SAMD5: variants seen among roughly 807,000 people sequenced by gnomAD.
SAMD5 encodes sterile alpha motif domain containing 5.
Under a neutral mutation model 11.3 loss-of-function variants are expected in SAMD5, and 13 were observed. That is an observed-to-expected ratio of 1.15 (90% CI 0.75 to 1.83). SAMD5 has a LOEUF of 1.83. Among genes scored for constraint, SAMD5 ranks in the 40% most tolerant of loss-of-function variants. The pLI is 0.00. For missense variants in SAMD5, 255 were observed against 239.1 expected, an observed-to-expected ratio of 1.07 and a Z score of -0.44; for synonymous variants, 129 against 111.3, an observed-to-expected ratio of 1.16 and a Z score of -1.00.
chr6:147,852,212 TATAATGTTTCC>T, the SAMD5 span, among the ~76,000 whole-genome samples: 27 of 152,256 alleles, frequency 1.8e-4, no homozygotes, highest in Non-Finnish European at 1.5e-4. Context: ...ATCTGGCATA[TATAATGTTTCC>T]ATAAATACAG....
chr6:147,767,982 G>C, the SAMD5 span, among the ~76,000 whole-genome samples: 1 of 152,172 alleles, frequency 6.6e-6, no homozygotes, highest in East Asian at 1.9e-4. Flanking sequence ...GGGCATAGTG[G>C]ACAAGAACAG....
intron 1 of SAMD5, among the ~76,000 whole-genome samples, chr6:147,589,338 A>T (rs1789421179): frequency 6.6e-6 from 1 of 152,158 alleles, no homozygotes; most frequent in Non-Finnish European, 1.5e-5. Context: ...ATCTATAGGG[A>T]CTTTTAAAAC....
the SAMD5 span, among the ~76,000 whole-genome samples, chr6:147,905,543 AAAAC>A: frequency 6.6e-6 from 1 of 152,208 alleles, no homozygotes; most frequent in Non-Finnish European, 1.5e-5. Context: ...CAAAAACAAA[AAAAC>A]AAAATCACCT....
chr6:147,889,325 T>C, the SAMD5 span, among the ~76,000 whole-genome samples: 1 of 152,206 alleles, frequency 6.6e-6, no homozygotes, highest in Non-Finnish European at 1.5e-5. Context: ...AAGTTTTATT[T>C]GGGTCTTTTT....
the SAMD5 span, among the ~76,000 whole-genome samples, chr6:147,790,993 A>G: frequency 6.6e-6 from 1 of 152,072 alleles, no homozygotes; most frequent in Non-Finnish European, 1.5e-5. Flanking sequence ...CTTTCTGCAC[A>G]TCTGCATCTA....
chr6:147,937,592 G>C, the SAMD5 span, among the ~76,000 whole-genome samples: 1 of 152,256 alleles, frequency 6.6e-6, no homozygotes, highest in African/African-American at 2.4e-5. Context: ...GCAATAATGA[G>C]GCAGGACTCG....
chr6:147,681,452 A>G (rs1790939298), intron 1 of SAMD5, among the ~76,000 whole-genome samples: 1 of 152,016 alleles, frequency 6.6e-6, no homozygotes, highest in African/African-American at 2.4e-5. Context: ...TCTTGTTTAT[A>G]TCAAATATAG....
chr6:147,636,860 T>C (rs1790237562), intron 1 of SAMD5, among the ~76,000 whole-genome samples: 1 of 152,174 alleles, frequency 6.6e-6, no homozygotes, highest in Admixed American at 6.5e-5. Flanking sequence ...TGTATTATGG[T>C]CCACAGACTG....
chr6:147,808,588 G>C, the SAMD5 span, among the ~76,000 whole-genome samples: 2 of 152,086 alleles, frequency 1.3e-5, no homozygotes, highest in Non-Finnish European at 2.9e-5. Context: ...TATTTCCAAG[G>C]AATTATAAGA....
chr6:147,717,946 G>A (rs1791491775), intron 1 of SAMD5, among the ~76,000 whole-genome samples: 10 of 152,140 alleles, frequency 6.6e-5, no homozygotes, highest in Admixed American at 6.5e-4. Flanking sequence ...TTTGTAGAAT[G>A]TTGGAAGATA....
chr6:147,853,476 T>G, the SAMD5 span, among the ~76,000 whole-genome samples: 1 of 152,060 alleles, frequency 6.6e-6, no homozygotes, highest in South Asian at 2.1e-4. Flanking sequence ...TAGGTTATAT[T>G]CCTGATCAGA....
intron 1 of SAMD5, among the ~76,000 whole-genome samples, chr6:147,618,260 C>A (rs867014718): frequency 1.3e-5 from 2 of 152,096 alleles, no homozygotes; most frequent in African/African-American, 4.8e-5. Context: ...TCGGCATTAA[C>A]GTGTAGGTTT....
chr6:147,759,218 GT>G, the SAMD5 span, among the ~76,000 whole-genome samples: 102 of 152,300 alleles, frequency 6.7e-4, no homozygotes, highest in African/African-American at 2.3e-3. Flanking sequence ...ATTATGGAGT[GT>G]TACTTGGTAG....
chr6:147,893,008 T>G, the SAMD5 span, among the ~76,000 whole-genome samples: 1 of 151,538 alleles, frequency 6.6e-6, no homozygotes, highest in African/African-American at 2.4e-5. Context: ...AAGTCCGGAG[T>G]TCAAGACCAG....
At chr6:147,544,282 G>A (rs1788651329) in intron 1 of SAMD5, among the ~76,000 whole-genome samples, 1 of 152,134 alleles carries the variant, frequency 6.6e-6, no homozygotes, top group African/African-American at 2.4e-5. Context: ...CACTATCTTA[G>A]ATTTTCCCAC....
At position 147,608,316 on chromosome 6, in the gene SAMD5, T is replaced by C. The variant is rs371791596; in HGVS notation, c.162+98929T>C. Among the ~76,000 whole-genome samples, 5 of 152,302 alleles carry C rather than the reference T, an allele frequency of 3.3e-5. No individual in the cohort carries two copies. The East Asian group carries it at 9.6e-4, about 29-fold the overall frequency. On this transcript the variant is annotated intron_variant, in intron 1 of 1. Coordinates refer to the SAMD5 transcript ENST00000566741. ...ATATACACAAAAGAAAGAAAATCAG[T>C]ATATCAGAGAGATCTCTGCATTCCT... is the stretch of plus-strand genomic sequence containing the variant.
chr6:147,536,279 G>A (rs995283069), intron 1 of SAMD5, among the ~76,000 whole-genome samples: 6 of 152,146 alleles, frequency 3.9e-5, no homozygotes, highest in South Asian at 2.1e-4. Context: ...CACTGCGTCC[G>A]GCCAAGAAAA....
the SAMD5 span, among the ~76,000 whole-genome samples, chr6:147,767,753 T>C: frequency 6.6e-6 from 1 of 152,186 alleles, no homozygotes; most frequent in East Asian, 1.9e-4. Context: ...TTGTCTAAAC[T>C]ACCCAGTTTA....
the SAMD5 span, among the ~76,000 whole-genome samples, chr6:147,902,589 T>A: frequency 6.6e-6 from 1 of 152,214 alleles, no homozygotes; most frequent in Non-Finnish European, 1.5e-5. Context: ...TCTAAAGAGC[T>A]GTGTCCTCCT....
Sources: allele counts gnomAD v4.1 joint callset (sites outside exome capture counted in the v4.1 genomes callset), GRCh38; gene constraint gnomAD v4.1.1; transcripts MANE v1.5; gene names NCBI Gene and HGNC (gene_info 2026-07-23, HGNC 2026-07-21).